The following RASGRF2 variants were observed in gnomAD, a reference collection of about 807,000 sequenced individuals.
RASGRF2 encodes the protein Ras protein specific guanine nucleotide releasing factor 2, also known as ras-specific guanine nucleotide-releasing factor 2.
RASGRF2 carries 76 observed loss-of-function variants against 151.0 expected under a neutral mutation model. That is an observed-to-expected ratio of 0.50 (90% CI 0.42 to 0.61). The LOEUF (loss-of-function observed/expected upper bound fraction) is 0.61, where lower values mean the gene tolerates loss of function less well. RASGRF2 is among the 20% of genes least tolerant of loss of function. The pLI is 0.00. For synonymous variants in RASGRF2, 504 were observed against 566.5 expected (o/e 0.89, Z 1.57); for missense variants, 1,148 against 1,564.6 (o/e 0.73, Z 4.49).
intron 1 of RASGRF2, among the ~76,000 whole-genome samples, chr5:81,008,139 C>CTTTTT (rs58105434): frequency 0.017 from 1,439 of 85,340 alleles, 172 homozygotes; most frequent in Non-Finnish European, 0.021. Context: ...TCTTTCTTTC[C>CTTTTT]TTTTTTTTTT....
At chr5:81,055,311 A>G (rs1474202221) in intron 2 of RASGRF2, among the ~76,000 whole-genome samples, 1 of 152,098 alleles carries the variant, frequency 6.6e-6, no homozygotes, top group Non-Finnish European at 1.5e-5. Flanking sequence ...ATCAATACCT[A>G]ATTTATTGAG....
In RASGRF2 at chr5:80,972,883, C is replaced by T. The variant is rs75374181; in HGVS notation, c.288+11857C>T. Among the ~76,000 whole-genome samples the T allele has an allele frequency of 5.3e-3, 805 of 152,200 alleles. 5 individuals carry two copies. The highest frequency in any genetic ancestry group is 0.018 in the African/African-American group (755 of 41,520). ...TATTAAGTTAAACTATATGACCTACCATTTCTGTACATCAAAAATGGTTAA... is the reference window on the plus strand; with the variant it reads ...TATTAAGTTAAACTATATGACCTACTATTTCTGTACATCAAAAATGGTTAA... On this transcript the variant is annotated intron_variant, in intron 1 of 26. Transcript: ENST00000265080.
At position 81,225,941 on chromosome 5, in the gene RASGRF2, C is replaced by A; in HGVS notation, c.*171C>A. 1.5e-6 allele frequency: 1 copy of A among 646,558 alleles called. No homozygotes were observed. Among genetic ancestry groups the A allele is most frequent in the Non-Finnish European group, 2.3e-6 (1 of 425,886 alleles). 40.1% of individuals were successfully genotyped at this position (646,558 alleles called of 1,614,324 possible). A position where few individuals can be genotyped will look rare whatever the true frequency, so the allele number is the denominator to read the frequency against. ...CAGAGAGAAACCCAGCTGTTTGGGT[C>A]AAAGACAGATGCTTCAGACTTGGGT... On this transcript the variant is annotated 3_prime_UTR_variant, in exon 27 of 27. Coordinates refer to ENST00000265080, the MANE Select transcript of RASGRF2 (RefSeq NM_006909.3).
At chr5:81,059,801 GC>G (rs1751360632) in intron 2 of RASGRF2, among the ~76,000 whole-genome samples, 1 of 151,888 alleles carries the variant, frequency 6.6e-6, no homozygotes, top group Non-Finnish European at 1.5e-5. Context: ...CTGAGATCGC[GC>G]CACTCCACTC....
At chr5:81,207,753 C>A (rs1272011663) in intron 21 of RASGRF2, among the ~76,000 whole-genome samples, 1 of 152,224 alleles carries the variant, frequency 6.6e-6, no homozygotes, top group Non-Finnish European at 1.5e-5. Flanking sequence ...GGAGCTTCTG[C>A]CCCGCTGAAC....
At chr5:81,155,124 C>T (rs1283138145) in intron 17 of RASGRF2, among the ~76,000 whole-genome samples, 1 of 151,874 alleles carries the variant, frequency 6.6e-6, no homozygotes, top group Non-Finnish European at 1.5e-5. Flanking sequence ...AAAATGAAAG[C>T]ACAATATACC....
At chr5:80,975,353 ATTC>A (rs942807647) in intron 1 of RASGRF2, among the ~76,000 whole-genome samples, 2 of 151,622 alleles carry the variant, frequency 1.3e-5, no homozygotes, top group Non-Finnish European at 2.9e-5. Context: ...AGCTTTGAAA[ATTC>A]TTCTTAGTGC....
rs113262563 is a variant in RASGRF2 at position 81,023,870 on chromosome 5, G to T, written c.289-19007G>T. On this transcript the variant is annotated intron_variant, in intron 1 of 26. Coordinates refer to ENST00000265080, the MANE Select transcript of RASGRF2 (RefSeq NM_006909.3). ...GTTACTGAAATGCCATCAGTTATAA[G>T]ATTGCCCTTTAAGCCACTGATTTGT... 3.3e-3 allele frequency among the ~76,000 whole-genome samples: 497 copies of T among 152,312 alleles called. 4 individuals are homozygous for T. The highest frequency in any genetic ancestry group is 0.012 in the African/African-American group (486 of 41,564).
chr5:81,175,479 C>T (rs1409030306), intron 17 of RASGRF2, among the ~76,000 whole-genome samples: 11 of 152,152 alleles, frequency 7.2e-5, no homozygotes, highest in East Asian at 5.8e-4. Flanking sequence ...TGGGGCTGGG[C>T]GCAGTGGCTC....
chr5:81,026,347 GT>G (rs1354358006), intron 1 of RASGRF2, among the ~76,000 whole-genome samples: 2 of 151,472 alleles, frequency 1.3e-5, no homozygotes, highest in Admixed American at 6.6e-5. Context: ...TCCCTCAGTG[GT>G]CTCCCTAGGG....
intron 22 of RASGRF2, 96 bp downstream of exon 22, chr5:81,208,534 C>CTTTTTTTTTTTTTTTTTTTTTT (rs71000806): frequency 8.6e-6 from 2 of 233,326 alleles, no homozygotes; most frequent in African/African-American, 4.4e-5. Flanking sequence ...CTGTCACCCA[C>CTTTTTTTTTTTTTTTTTTTTTT]TTTTTTTTTT....
At chr5:81,034,414 A>C (rs1750389201) in intron 1 of RASGRF2, among the ~76,000 whole-genome samples, 1 of 151,704 alleles carries the variant, frequency 6.6e-6, no homozygotes, top group Non-Finnish European at 1.5e-5. Context: ...ATCTAGAACT[A>C]GAAATACCAT....
intron 15 of RASGRF2, among the ~76,000 whole-genome samples, chr5:81,119,245 G>T (rs1006904993): frequency 6.6e-6 from 1 of 152,194 alleles, no homozygotes; most frequent in African/African-American, 2.4e-5. Context: ...TTTGTTTTGT[G>T]CTACCTGAGA....
At chr5:81,013,471 G>A (rs1472653041) in intron 1 of RASGRF2, among the ~76,000 whole-genome samples, 1 of 152,038 alleles carries the variant, frequency 6.6e-6, no homozygotes, top group Non-Finnish European at 1.5e-5. Context: ...CTGGGCTGTG[G>A]TGTGCCCTCA....
At chr5:81,202,986 G>C (rs563067977) in intron 19 of RASGRF2, among the ~76,000 whole-genome samples, 1 of 152,354 alleles carries the variant, frequency 6.6e-6, no homozygotes, top group African/African-American at 2.4e-5. Context: ...AAGCCACCCA[G>C]TTTGTGGGAT....
At chr5:81,035,310 CA>C (rs1750445199) in intron 1 of RASGRF2, among the ~76,000 whole-genome samples, 1 of 152,042 alleles carries the variant, frequency 6.6e-6, no homozygotes, top group African/African-American at 2.4e-5. Context: ...ATGTCCTTTG[CA>C]GGGACATGGA....
At chr5:81,043,921 T>A (rs1318200544) in intron 2 of RASGRF2, among the ~76,000 whole-genome samples, 1 of 152,248 alleles carries the variant, frequency 6.6e-6, no homozygotes, top group Non-Finnish European at 1.5e-5. Context: ...GCACTTGCAT[T>A]GTGTACTGCA....
At chr5:81,191,767 G>A (rs930595847) in intron 18 of RASGRF2, among the ~76,000 whole-genome samples, 3 of 152,120 alleles carry the variant, frequency 2.0e-5, no homozygotes, top group Admixed American at 6.5e-5. Context: ...ATCTGATTCC[G>A]GGGTTGTGGG....
intron 9 of RASGRF2, among the ~76,000 whole-genome samples, chr5:81,089,631 T>A (rs1373575162): frequency 6.6e-6 from 1 of 152,224 alleles, no homozygotes; most frequent in Non-Finnish European, 1.5e-5. Flanking sequence ...GTTTGTTGAA[T>A]AAATGTGTGA....
Sources: gnomAD v4.1 joint callset for allele counts (sites outside exome capture counted in the v4.1 genomes callset) on GRCh38, gnomAD v4.1.1 for gene constraint, MANE v1.5 for transcripts, NCBI Gene and HGNC (gene_info 2026-07-23, HGNC 2026-07-21) for gene names.